CRACR2B: variants seen among roughly 807,000 people sequenced by gnomAD.
CRACR2B encodes the protein EF-hand calcium-binding domain-containing protein 4A.
A neutral mutation model predicts 46.0 loss-of-function variants in CRACR2B; 50 were observed. The observed-to-expected ratio is 1.09, with a 90% confidence interval of 0.87 to 1.38. CRACR2B has a LOEUF of 1.38. Ranked by LOEUF, CRACR2B falls within the 40% of genes most tolerant of loss-of-function variation. CRACR2B has a pLI of 0.00. For synonymous variants in CRACR2B, 277 were observed against 239.6 expected, an observed-to-expected ratio of 1.16 and a Z score of -1.44; for missense variants, 667 against 535.0, an observed-to-expected ratio of 1.25 and a Z score of -2.43.
chr11:831,054 C>T, intron 7 of CRACR2B, 22 bp downstream of exon 7: 1 of 1,535,650 alleles, frequency 6.5e-7, no homozygotes, highest in Non-Finnish European at 8.7e-7. Context: ...CGGGGCTGGG[C>T]GGGCCCCGGT....
rs1377832480 is a variant in CRACR2B, at chr11:829,485, G to T, written c.403G>T (p.Glu135Ter). The change falls in exon 3 of 9, where the codon GAG (glutamate) becomes TAG (stop). Residue 135 changes from glutamate to a stop codon, truncating the protein, a stop_gained. Transcript: ENST00000525077. LOFTEE classifies it high-confidence loss of function. ...AGSLDEEEEE[E>*]ERFHTVLEQL... ...CTCTCTGGATGAGGAGGAGGAAGAG[G>T]AGGAGCGATTCCACACTGTGCTGGA... is the stretch of plus-strand genomic sequence containing the variant. 2 of 1,608,332 alleles carry T rather than the reference G, an allele frequency of 1.2e-6. No individual in the cohort carries two copies. The highest frequency in any genetic ancestry group is 1.7e-6 in the Non-Finnish European group (2 of 1,178,356).
chr11:829,807 C>G (rs1846241983), intron 3 of CRACR2B, 179 bp from the exon 4 acceptor site: 1 of 1,272,658 alleles, frequency 7.9e-7, no homozygotes, highest in African/African-American at 1.5e-5. Flanking sequence ...GTACACACAC[C>G]TCACCGACCA....
chr11:831,238 T>C lies in CRACR2B; in HGVS notation c.968T>C (p.Val323Ala), dbSNP rs1258359398. 1.9e-6 allele frequency: 3 copies of C among 1,609,646 alleles called. No homozygotes were observed. The highest frequency in any genetic ancestry group is 2.2e-5 in the East Asian group (1 of 44,820). ...CCCATCCACAGAGACGTGGTCGCCG[T>C]CTCCAGGAACATGCAGAAAGAGAAA... The part of the protein sequence containing the change: ...QEQTQRDVVA[V>A]SRNMQKEKVS... Residue 323 changes from valine to alanine, a missense_variant, in exon 8 of 9, where the codon GTC becomes GCC. Physicochemically the swap from Val to Ala is moderately conservative, Grantham distance 64 (BLOSUM62 0). Transcript: ENST00000525077.
intron 5 of CRACR2B, 124 bp downstream of exon 5, chr11:830,461 GCCCGAGGAGATCC>G: frequency 3.3e-6 from 5 of 1,536,206 alleles, no homozygotes; most frequent in Non-Finnish European, 4.4e-6. Flanking sequence ...GCTGCCCTCA[GCCCGAGGAGATCC>G]CACTGGGCCT....
intron 6 of CRACR2B, 24 bp from the exon 7 acceptor site, chr11:830,842 G>A (rs1419510205): frequency 1.3e-6 from 2 of 1,502,842 alleles, no homozygotes; most frequent in Non-Finnish European, 1.8e-6. Context: ...GTTCCTCGCC[G>A]GTCTCCATCC....
chr11:831,193 C>T (rs763680224), intron 7 of CRACR2B, 31 bp from the exon 8 acceptor site: 2 of 1,610,968 alleles, frequency 1.2e-6, no homozygotes, highest in East Asian at 2.2e-5. Context: ...AGGAGCCTTC[C>T]TGCAGCCGGG....
chr11:831,581 A>AGGCG lies in CRACR2B; in HGVS notation c.1080_1083dup (p.Ser362GlyfsTer45), dbSNP rs1437650058. 7 of 1,594,168 alleles carry AGGCG rather than the reference A, an allele frequency of 4.4e-6. No homozygotes were observed. Among genetic ancestry groups the AGGCG allele is most frequent in the Non-Finnish European group, 6.0e-6 (7 of 1,173,376 alleles). On this transcript the variant is annotated frameshift_variant, in exon 9 of 9. Coordinates refer to ENST00000525077, the MANE Select transcript of CRACR2B (RefSeq NM_001286606.2). LOFTEE classifies it low-confidence loss of function (END_TRUNC). ...GGATGACAGGGACGCCTGCGAGGCC[A>AGGCG]GGCGGGCGGGCAGCAGCTGCAGGAA... is the stretch of plus-strand genomic sequence containing the variant.
At chr11:830,744 G>C (rs781382649) in intron 6 of CRACR2B, 31 bp downstream of exon 6, 216 of 1,507,218 alleles carry the variant, frequency 1.4e-4, no homozygotes, top group Non-Finnish European at 1.9e-4. Flanking sequence ...CTGTCCCCAC[G>C]GTCACCCGTG....
At chr11:829,145 C>G (rs1414423847) in intron 2 of CRACR2B, 182 bp downstream of exon 2, 1 of 1,263,910 alleles carries the variant, frequency 7.9e-7, no homozygotes, top group African/African-American at 1.5e-5. Context: ...GTGGAGCTGA[C>G]CTTCCTGGCC....
intron 6 of CRACR2B, 21 bp from the exon 7 acceptor site, chr11:830,845 C>G (rs1424647851): frequency 6.6e-7 from 1 of 1,507,676 alleles, no homozygotes; most frequent in Non-Finnish European, 8.8e-7. Flanking sequence ...CCTCGCCGGT[C>G]TCCATCCTTC....
rs746969731 is a variant in CRACR2B, at chr11:830,116, G to A, written c.589G>A (p.Glu197Lys). 3.9e-6 allele frequency: 6 copies of A among 1,537,416 alleles called. No homozygotes were observed. Among genetic ancestry groups the A allele is most frequent in the Non-Finnish European group, 5.2e-6 (6 of 1,146,774 alleles). Residue 197 changes from glutamate (E) to lysine (K), a missense_variant, in exon 4 of 9, where the codon GAG (glutamate) becomes AAG (lysine). Transcript: ENST00000525077. ...GGCGGCCCGGGAGCGCGACGGCCTGGAGCAGGCGCTGCGGAGGTGAGGGCC... is the reference window on the plus strand; with the variant it reads ...GGCGGCCCGGGAGCGCGACGGCCTGAAGCAGGCGCTGCGGAGGTGAGGGCC... ...EEAARERDGL[E>K]QALRRRESEH...
At chr11:828,993 G>T in intron 2 of CRACR2B, 30 bp downstream of exon 2, 1 of 1,599,206 alleles carries the variant, frequency 6.3e-7, no homozygotes, top group South Asian at 1.1e-5. Context: ...ATCCCCCACT[G>T]CCCAGAGCTG....
rs1360821728 is a variant in CRACR2B at position 828,692 on chromosome 11, G to A, written c.85G>A (p.Ala29Thr). 1.2e-6 allele frequency: 2 copies of A among 1,612,146 alleles called. No homozygotes were observed. Among genetic ancestry groups the A allele is most frequent in the Non-Finnish European group, 1.7e-6 (2 of 1,179,432 alleles). The change falls in exon 1 of 9, where the codon GCA becomes ACA. Residue 29 changes from alanine (A) to threonine (T), a missense_variant. By Grantham distance (58) the Ala-to-Thr change is moderately conservative. Transcript: ENST00000525077. ...LEGGSAGPRAAILEQAEELFL... is the reference protein window; with the variant it reads ...LEGGSAGPRATILEQAEELFL... Reference sequence around the variant, plus strand: ...GGGGGGCTCTGCAGGGCCGCGGGCTGCAATACTGGAGCAGGCTGAGGAGCT... The same window carrying A: ...GGGGGGCTCTGCAGGGCCGCGGGCTACAATACTGGAGCAGGCTGAGGAGCT...
At chr11:826,636 G>C (rs899318769), upstream of CRACR2B, among the ~76,000 whole-genome samples, 1 of 152,210 alleles carries the variant, frequency 6.6e-6, no homozygotes, top group Non-Finnish European at 1.5e-5. Context: ...TGATTCTCCT[G>C]GCTCAGCCTC....
intron 3 of CRACR2B, 39 bp downstream of exon 3, chr11:829,579 C>T (rs1358482238): frequency 2.0e-6 from 3 of 1,508,742 alleles, no homozygotes; most frequent in South Asian, 2.6e-5. Flanking sequence ...GCCCGCTCTG[C>T]TGTTTCTCTG....
In CRACR2B at chr11:830,985, C is replaced by T. The variant is rs766245094; in HGVS notation, c.906C>T (p.Ile302=). 6.5e-7 allele frequency: 1 copy of T among 1,533,822 alleles called. No individual in the cohort carries two copies. The highest frequency in any genetic ancestry group is 8.7e-7 in the Non-Finnish European group (1 of 1,146,646). The stretch of plus-strand genomic sequence containing the variant: ...AGCTGGAGGGGGCGCAGGAGCAGAT[C>T]CGCAGGCTGGAGAGCGAAGCACGAG... ...RTQLEGAQEQ[I]RRLESEARGR... is the part of the protein sequence containing the mutation. The change falls in exon 7 of 9, where the codon ATC becomes ATT. Residue 302 remains isoleucine, a synonymous_variant. Transcript: ENST00000525077.
Position 828,572 on chromosome 11 carries a change from C to A in CRACR2B, c.-36C>A. ...TTCTTCTGACCCTCCCTTGGCTTCA[C>A]AGCACCTGAAGGCCAGGCTGAGGCC... On this transcript the variant is annotated 5_prime_UTR_variant, in exon 1 of 9. Transcript: ENST00000525077. The A allele has an allele frequency of 6.4e-7, 1 of 1,558,994 alleles. No individual in the cohort carries two copies.
chr11:826,615 C>T (rs1468922291), upstream of CRACR2B, among the ~76,000 whole-genome samples: 1 of 152,228 alleles, frequency 6.6e-6, no homozygotes, highest in African/African-American at 2.4e-5. Context: ...ACTCTGCCTC[C>T]CGAGTTCAAG....
rs766853619 is a variant in CRACR2B, at chr11:830,306, T to G, written c.662T>G (p.Leu221Arg). ...VRALYEETEQ[L>R]REQSRRPPSQ... ...GCTCTGTACGAGGAGACGGAGCAGC[T>G]TCGGGAGCAGAGCCGGCGCCCGCCG... Residue 221 changes from leucine (L) to arginine (R), a missense_variant, in exon 5 of 9, where the codon CTT (leucine) becomes CGT (arginine). Leu to Arg is a moderately radical substitution (Grantham distance 102, BLOSUM62 -2). Transcript: ENST00000525077. The G allele has an allele frequency of 6.5e-7, 1 of 1,534,538 alleles. No individual in the cohort carries two copies. Among genetic ancestry groups the G allele is most frequent in the South Asian group, 1.2e-5 (1 of 83,822 alleles).
Sources: gnomAD v4.1 joint callset for allele counts (sites outside exome capture counted in the v4.1 genomes callset) on GRCh38, gnomAD v4.1.1 for gene constraint, MANE v1.5 for transcripts, NCBI Gene and HGNC (gene_info 2026-07-23, HGNC 2026-07-21) for gene names.